SORCS2: variants seen among roughly 807,000 people sequenced by gnomAD.
SORCS2 encodes the protein sortilin related VPS10 domain containing receptor 2, also known as VPS10 domain-containing receptor SorCS2.
SORCS2 carries 100 observed loss-of-function variants against 141.6 expected under a neutral mutation model. The observed-to-expected ratio is 0.71, with a 90% CI of 0.60 to 0.83. The LOEUF is 0.83. Among genes scored for constraint, SORCS2 ranks in the 40% least tolerant of loss-of-function variants. The pLI is 0.00. For synonymous variants in SORCS2, 789 were observed against 676.9 expected (o/e 1.17, Z -2.57); for missense variants, 1,646 against 1,560.2 (o/e 1.05, Z -0.93).
chr4:7,421,115 A>T (rs1025390179), intron 2 of SORCS2, among the ~76,000 whole-genome samples: 1 of 152,166 alleles, frequency 6.6e-6, no homozygotes, highest in Admixed American at 6.5e-5. Flanking sequence ...TTGCCCACAC[A>T]GTGTTTGCAT....
At chr4:7,689,641 A>G in intron 11 of SORCS2, 53 bp downstream of exon 11, 1 of 1,492,652 alleles carries the variant, frequency 6.7e-7, no homozygotes, top group Non-Finnish European at 9.1e-7. Context: ...GCCCAAGAGT[A>G]CCTCCAATCT....
intron 1 of SORCS2, among the ~76,000 whole-genome samples, chr4:7,217,097 G>A (rs574896052): frequency 2.0e-5 from 3 of 152,246 alleles, no homozygotes; most frequent in East Asian, 1.9e-4. Flanking sequence ...GAGCAAGTCC[G>A]GCCCTGCTCC....
rs550369364 is a variant in SORCS2 at position 7,691,416 on chromosome 4, T to G, written c.1591+1828T>G. On this transcript the variant is annotated intron_variant, in intron 11 of 26. Coordinates refer to ENST00000507866, the MANE Select transcript of SORCS2 (RefSeq NM_020777.3). Reference sequence around the variant, plus strand: ...AAGGACCAGACCAGAGTGCAGGGAGTGGCTGGAGGTGAAGCCTACGTGCAG... The same window carrying G: ...AAGGACCAGACCAGAGTGCAGGGAGGGGCTGGAGGTGAAGCCTACGTGCAG... 6.3e-4 allele frequency among the ~76,000 whole-genome samples: 96 copies of G among 151,860 alleles called. No individual in the cohort carries two copies. In the Middle Eastern group the frequency reaches 0.01, roughly 16 times the overall value.
intron 3 of SORCS2, among the ~76,000 whole-genome samples, chr4:7,583,578 C>T (rs1388595286): frequency 6.6e-6 from 1 of 152,196 alleles, no homozygotes; most frequent in Non-Finnish European, 1.5e-5. Context: ...CAGTTTCCCC[C>T]ATACTGTTCT....
At chr4:7,446,277 A>C (rs1156878504) in intron 2 of SORCS2, among the ~76,000 whole-genome samples, 1 of 151,850 alleles carries the variant, frequency 6.6e-6, no homozygotes, top group African/African-American at 2.4e-5. Flanking sequence ...GGACACAAGC[A>C]CTCGGCCCTA....
chr4:7,716,156 C>T (rs1198894476), intron 17 of SORCS2, among the ~76,000 whole-genome samples: 2 of 152,228 alleles, frequency 1.3e-5, no homozygotes, highest in Admixed American at 6.5e-5. Context: ...CAGAAAGTCC[C>T]AATTTCCTCA....
chr4:7,656,594 C>T (rs1019363747), intron 5 of SORCS2, among the ~76,000 whole-genome samples: 2 of 152,230 alleles, frequency 1.3e-5, no homozygotes, highest in Admixed American at 6.5e-5. Context: ...CCCTGAGACT[C>T]GGTCCACCTC....
chr4:7,217,675 C>T (rs976055310), intron 1 of SORCS2, among the ~76,000 whole-genome samples: 4 of 152,114 alleles, frequency 2.6e-5, no homozygotes, highest in Admixed American at 6.5e-5. Flanking sequence ...CTGGGGCCTT[C>T]GGCTCTCCTT....
intron 2 of SORCS2, among the ~76,000 whole-genome samples, chr4:7,441,012 G>A (rs1727626512): frequency 6.6e-6 from 1 of 152,158 alleles, no homozygotes; most frequent in Admixed American, 6.5e-5. Flanking sequence ...GGGGAAGGTG[G>A]AGATTTGGGG....
chr4:7,373,458 T>TTTATATATATATATATATATATA (rs1553850462), intron 1 of SORCS2, among the ~76,000 whole-genome samples: 3 of 82,832 alleles, frequency 3.6e-5, no homozygotes, highest in African/African-American at 1.4e-4. Context: ...TGAGAAACTT[T>TTTATATATATATATATATATATA]TATATATATA....
chr4:7,610,413 C>T (rs1718330053), intron 3 of SORCS2, among the ~76,000 whole-genome samples: 1 of 152,296 alleles, frequency 6.6e-6, no homozygotes, highest in East Asian at 1.9e-4. Flanking sequence ...CCAGCCCACC[C>T]CTGTCTGTGC....
At chr4:7,579,486 A>G (rs1387981689) in intron 3 of SORCS2, among the ~76,000 whole-genome samples, 2 of 152,130 alleles carry the variant, frequency 1.3e-5, no homozygotes, top group Non-Finnish European at 2.9e-5. Flanking sequence ...CCAAGATTCC[A>G]TGGCCATCAA....
At chr4:7,297,661 C>T (rs898097115) in intron 1 of SORCS2, among the ~76,000 whole-genome samples, 5 of 152,230 alleles carry the variant, frequency 3.3e-5, no homozygotes, top group East Asian at 1.9e-4. Context: ...AAATGAGAAC[C>T]GTGCTCTATG....
chr4:7,237,466 G>A (rs983191268), intron 1 of SORCS2, among the ~76,000 whole-genome samples: 1 of 152,150 alleles, frequency 6.6e-6, no homozygotes, highest in Admixed American at 6.5e-5. Context: ...TCTCAATATA[G>A]TTGCAGCCAG....
At chr4:7,373,541 G>A (rs12503989) in intron 1 of SORCS2, among the ~76,000 whole-genome samples, 86,874 of 126,806 alleles carry the variant, frequency 0.69, 29,863 homozygotes, top group East Asian at 0.93. Flanking sequence ...CTGGAATGCC[G>A]GAATGCAGTG....
chr4:7,418,701 G>GAC (rs1553859424), intron 2 of SORCS2, among the ~76,000 whole-genome samples: 1 of 58,880 alleles, frequency 1.7e-5, no homozygotes, highest in East Asian at 4.8e-4. Context: ...CGTAACAAAT[G>GAC]ACCCCCCCCC....
At chr4:7,494,984 A>G (rs1021450272) in intron 2 of SORCS2, among the ~76,000 whole-genome samples, 13 of 152,170 alleles carry the variant, frequency 8.5e-5, no homozygotes, top group African/African-American at 3.1e-4. Flanking sequence ...GCTTGTGAAC[A>G]CACCATTTCT....
chr4:7,702,219 G>T (rs980852963), intron 12 of SORCS2, among the ~76,000 whole-genome samples: 46 of 152,230 alleles, frequency 3.0e-4, no homozygotes, highest in African/African-American at 1.1e-3. Flanking sequence ...TGGGCCACAG[G>T]CCTGGGAGAC....
chr4:7,513,786 G>T (rs1035577515), intron 2 of SORCS2, among the ~76,000 whole-genome samples: 1 of 152,198 alleles, frequency 6.6e-6, no homozygotes. Flanking sequence ...GCGCTTAAAG[G>T]CATCTTGTCA....
Sources: allele counts gnomAD v4.1 joint callset (sites outside exome capture counted in the v4.1 genomes callset), GRCh38; gene constraint gnomAD v4.1.1; transcripts MANE v1.5; gene names NCBI Gene and HGNC (gene_info 2026-07-23, HGNC 2026-07-21).